CCDC93: variants seen among roughly 807,000 people sequenced by gnomAD.
CCDC93 encodes coiled-coil domain-containing protein 93.
Under a neutral mutation model 108.2 loss-of-function variants are expected in CCDC93, and 61 were observed. The observed-to-expected ratio is 0.56, with a 90% CI of 0.46 to 0.70. The LOEUF is 0.70. CCDC93 is among the 30% of genes least tolerant of loss of function. The pLI is 0.00. For synonymous variants in CCDC93, 276 were observed against 260.4 expected, an observed-to-expected ratio of 1.06 and a Z score of -0.58; for missense variants, 685 against 764.2, an observed-to-expected ratio of 0.90 and a Z score of 1.22.
chr2:117,931,401 G>A (rs539020422), intron 22 of CCDC93: 2 of 358,482 alleles, frequency 5.6e-6, no homozygotes, highest in Non-Finnish European at 1.0e-5. Context: ...ATTTCACAAT[G>A]GACAGGTTGG....
At chr2:117,921,680 T>G (rs994782240) in intron 23 of CCDC93, 3 of 152,196 alleles carry the variant, frequency 2.0e-5, no homozygotes, top group African/African-American at 7.2e-5. Context: ...CAGGGTCAGG[T>G]GCTCCCAGCT....
intron 3 of CCDC93, among the ~76,000 whole-genome samples, chr2:118,004,620 A>C (rs1676814527): frequency 6.6e-6 from 1 of 152,208 alleles, no homozygotes; most frequent in Non-Finnish European, 1.5e-5. Flanking sequence ...CACATTCCAA[A>C]ACCAAACAGA....
chr2:117,932,347 A>G (rs912611673), intron 22 of CCDC93, among the ~76,000 whole-genome samples: 6 of 152,174 alleles, frequency 3.9e-5, no homozygotes, highest in African/African-American at 1.4e-4. Flanking sequence ...AACACAAGCT[A>G]TAGGTAAAAT....
At chr2:117,983,179 C>A (rs1680202695) in intron 7 of CCDC93, among the ~76,000 whole-genome samples, 1 of 152,156 alleles carries the variant, frequency 6.6e-6, no homozygotes, top group Non-Finnish European at 1.5e-5. Context: ...GTTTCCCATC[C>A]TATTCAATTT....
intron 6 of CCDC93, among the ~76,000 whole-genome samples, chr2:117,991,707 T>A (rs1257943412): frequency 6.6e-6 from 1 of 152,224 alleles, no homozygotes; most frequent in Non-Finnish European, 1.5e-5. Flanking sequence ...GCTCCACACC[T>A]ATTTTATAAA....
intron 11 of CCDC93, among the ~76,000 whole-genome samples, chr2:117,968,305 G>A (rs1679654479): frequency 6.6e-6 from 1 of 152,124 alleles, no homozygotes; most frequent in South Asian, 2.1e-4. Flanking sequence ...GGACAGTCAG[G>A]CATTTCAGTT....
At chr2:117,972,233 C>A (rs367698537) in intron 11 of CCDC93, among the ~76,000 whole-genome samples, 30 of 152,288 alleles carry the variant, frequency 2.0e-4, no homozygotes, top group African/African-American at 7.0e-4. Context: ...TAGAAAAAAT[C>A]TTGGCACGGC....
chr2:117,927,477 CAGAG>C (rs1264387128), intron 23 of CCDC93, among the ~76,000 whole-genome samples: 2 of 150,346 alleles, frequency 1.3e-5, no homozygotes, highest in Non-Finnish European at 3.0e-5. Flanking sequence ...CAATAACAGA[CAGAG>C]AGCCAAATCA....
intron 11 of CCDC93, among the ~76,000 whole-genome samples, chr2:117,962,413 G>A (rs188011226): frequency 7.2e-5 from 11 of 152,318 alleles, no homozygotes; most frequent in African/African-American, 9.6e-5. Context: ...AGAGGCCAAG[G>A]TGAGTGGATC....
intron 11 of CCDC93, among the ~76,000 whole-genome samples, chr2:117,973,261 G>A (rs182001379): frequency 1.7e-3 from 260 of 152,204 alleles, no homozygotes; most frequent in African/African-American, 6.1e-3. Flanking sequence ...ATTTTAGGGG[G>A]ACAGGGCTGG....
At chr2:118,001,372 A>C (rs1680847593) in intron 3 of CCDC93, among the ~76,000 whole-genome samples, 1 of 152,140 alleles carries the variant, frequency 6.6e-6, no homozygotes, top group Non-Finnish European at 1.5e-5. Flanking sequence ...CAGACCTTAC[A>C]CCAGGTACCC....
chr2:117,928,703 G>A (rs997792117), intron 23 of CCDC93, among the ~76,000 whole-genome samples: 41 of 152,294 alleles, frequency 2.7e-4, no homozygotes, highest in Non-Finnish European at 4.0e-4. Flanking sequence ...TCAGTGTGGC[G>A]ATTCCTCAGG....
At chr2:117,974,099 A>G in intron 10 of CCDC93, 105 bp from the exon 11 acceptor site, 3 of 777,306 alleles carry the variant, frequency 3.9e-6, no homozygotes, top group Non-Finnish European at 4.4e-6. Flanking sequence ...ATGGTAAAAC[A>G]TAATATTCCC....
Position 117,925,269 on chromosome 2 carries a change from C to T in CCDC93, c.1843-4873G>A, listed in dbSNP as rs187670900. On this transcript the variant is annotated intron_variant, in intron 23 of 23. Transcript: ENST00000376300. ...ATGACAGGATCAAATTCACACATAACAATATTAACCTTAAATGTAAATGGG... is the reference window on the plus strand; with the variant it reads ...ATGACAGGATCAAATTCACACATAATAATATTAACCTTAAATGTAAATGGG... Among the ~76,000 whole-genome samples the T allele has an allele frequency of 2.0e-5, 3 of 152,202 alleles. No individual in the cohort carries two copies. In the East Asian group the frequency reaches 5.8e-4, roughly 29 times the overall value.
At chr2:117,962,525 C>T (rs1679429935) in intron 11 of CCDC93, among the ~76,000 whole-genome samples, 1 of 152,158 alleles carries the variant, frequency 6.6e-6, no homozygotes, top group Admixed American at 6.5e-5. Context: ...CGCCTGTAAT[C>T]CCAGCTACTT....
chr2:117,917,205 T>A lies in CCDC93; in HGVS notation c.*3138A>T, dbSNP rs1197033943. 1 of 152,688 alleles carries A rather than the reference T, an allele frequency of 6.5e-6. No individual in the cohort carries two copies. The highest frequency in any genetic ancestry group is 2.4e-5 in the African/African-American group (1 of 41,454). The allele number at this position is 152,688 out of a possible 1,614,324, so 9.5% of individuals were successfully genotyped here. ...GCAGCAGAAATATGAGGGCACAGGT[T>A]AGAGCCAGGGCTCACTGTCCGGAGT... On this transcript the variant is annotated 3_prime_UTR_variant, in exon 24 of 24. Coordinates refer to ENST00000376300, the MANE Select transcript of CCDC93 (RefSeq NM_019044.5).
At position 118,014,070 on chromosome 2, in the gene CCDC93, T is replaced by A. The variant is rs544210505; in HGVS notation, c.-75A>T. 2 of 1,557,348 alleles carry A rather than the reference T, an allele frequency of 1.3e-6. No homozygotes were observed. The highest frequency in any genetic ancestry group is 3.9e-5 in the Admixed American group (2 of 51,080). ...GAGGAAGCTGTCCCTGCCGCGGAGC[T>A]GCTACCGGGGTGGAGTACAAAGCGG... On this transcript the variant is annotated 5_prime_UTR_variant, in exon 1 of 24. Transcript: ENST00000376300.
intron 11 of CCDC93, among the ~76,000 whole-genome samples, chr2:117,966,108 G>C (rs1159072170): frequency 6.6e-6 from 1 of 152,178 alleles, no homozygotes; most frequent in Non-Finnish European, 1.5e-5. Flanking sequence ...GGGCCTAGTG[G>C]AAACGAAGGC....
Position 117,959,275 on chromosome 2 carries a change from A to C in CCDC93, c.889-794T>G, listed in dbSNP as rs565252816. ...CCTGTGAGAAGCCCCAGGAAAAAGA[A>C]ATTAAAAGGTAGACCGTTTTGCAAT... is the stretch of plus-strand genomic sequence containing the variant. On this transcript the variant is annotated intron_variant, in intron 11 of 23. Coordinates refer to ENST00000376300, the MANE Select transcript of CCDC93 (RefSeq NM_019044.5). Among the ~76,000 whole-genome samples the C allele has an allele frequency of 1.2e-3, 181 of 152,370 alleles. 1 individual carries two copies. The highest frequency in any genetic ancestry group is 4.2e-3 in the African/African-American group (173 of 41,590).
Sources: allele counts gnomAD v4.1 joint callset (sites outside exome capture counted in the v4.1 genomes callset), GRCh38; gene constraint gnomAD v4.1.1; transcripts MANE v1.5; gene names NCBI Gene and HGNC (gene_info 2026-07-23, HGNC 2026-07-21).